The following ZNF521 variants were observed in gnomAD, a reference collection of about 807,000 sequenced individuals.
The protein encoded by ZNF521 is LYST-interacting protein 3.
Under a neutral mutation model 105.5 loss-of-function variants are expected in ZNF521, and 14 were observed. That is an observed-to-expected ratio of 0.13 (90% CI 0.09 to 0.21). The LOEUF (loss-of-function observed/expected upper bound fraction) is 0.21. Ranked by LOEUF, ZNF521 falls within the 10% of genes least tolerant of loss-of-function variation. ZNF521 has a pLI of 1.00. For synonymous variants in ZNF521, 635 were observed against 606.0 expected, an observed-to-expected ratio of 1.05 and a Z score of -0.70; for missense variants, 1,233 against 1,629.7, an observed-to-expected ratio of 0.76 and a Z score of 4.19.
At chr18:25,237,424 A>T (rs1906981353) in intron 3 of ZNF521, among the ~76,000 whole-genome samples, 1 of 152,004 alleles carries the variant, frequency 6.6e-6, no homozygotes, top group African/African-American at 2.4e-5. Context: ...ATTTTTATTA[A>T]ATTATATATA....
chr18:25,169,095 C>T (rs1270180484), intron 5 of ZNF521, among the ~76,000 whole-genome samples: 1 of 152,080 alleles, frequency 6.6e-6, no homozygotes, highest in Non-Finnish European at 1.5e-5. Flanking sequence ...ATATACTTTG[C>T]TTTCCTTCTT....
intron 4 of ZNF521, chr18:25,202,319 A>T (rs2036006644): frequency 6.6e-6 from 1 of 152,244 alleles, no homozygotes; most frequent in Non-Finnish European, 1.5e-5. Context: ...TAATCAAATA[A>T]AAAACCAATA....
chr18:25,128,301 T>C (rs190076537), intron 5 of ZNF521, among the ~76,000 whole-genome samples: 65 of 151,862 alleles, frequency 4.3e-4, no homozygotes, highest in Middle Eastern at 3.4e-3. Flanking sequence ...AAACTAGCAA[T>C]AGGGGGTAAC....
intron 5 of ZNF521, among the ~76,000 whole-genome samples, chr18:25,181,020 G>A (rs2035623329): frequency 6.6e-6 from 1 of 152,152 alleles, no homozygotes; most frequent in Admixed American, 6.5e-5. Flanking sequence ...ATCAGCTTGT[G>A]TGTCTGTGCC....
intron 5 of ZNF521, among the ~76,000 whole-genome samples, chr18:25,128,631 T>G (rs2034581104): frequency 6.6e-6 from 1 of 151,986 alleles, no homozygotes; most frequent in Admixed American, 6.6e-5. Flanking sequence ...AAGGTTGATA[T>G]ACAAGTCAAC....
At chr18:25,109,333 C>T (rs1003986282) in intron 5 of ZNF521, among the ~76,000 whole-genome samples, 1 of 152,160 alleles carries the variant, frequency 6.6e-6, no homozygotes, top group African/African-American at 2.4e-5. Context: ...AAATGTACTT[C>T]ATTTTCTTTA....
chr18:25,176,585 C>G (rs535316343), intron 5 of ZNF521, among the ~76,000 whole-genome samples: 2 of 152,122 alleles, frequency 1.3e-5, no homozygotes, highest in African/African-American at 4.8e-5. Flanking sequence ...TTACTCTCTT[C>G]GCTGGAATGC....
At chr18:25,200,399 C>CTT (rs67164276) in intron 4 of ZNF521, among the ~76,000 whole-genome samples, 1 of 144,048 alleles carries the variant, frequency 6.9e-6, no homozygotes, top group Non-Finnish European at 1.5e-5. Flanking sequence ...CTGCAGTTTT[C>CTT]TTTTTTTTTT....
intron 5 of ZNF521, among the ~76,000 whole-genome samples, chr18:25,175,258 C>T (rs2035517684): frequency 6.6e-6 from 1 of 152,182 alleles, no homozygotes. Context: ...TTAGACCTTT[C>T]CTCCTCAGGG....
intron 3 of ZNF521, among the ~76,000 whole-genome samples, chr18:25,311,340 G>A (rs755369513): frequency 5.4e-5 from 8 of 148,108 alleles, no homozygotes; most frequent in Admixed American, 1.4e-4. Flanking sequence ...CACGAGCATC[G>A]TAAGTAGAGA....
At chr18:25,068,565 G>T (rs2033133861) in intron 7 of ZNF521, among the ~76,000 whole-genome samples, 1 of 150,608 alleles carries the variant, frequency 6.6e-6, no homozygotes, top group African/African-American at 2.5e-5. Flanking sequence ...TAAGTCTTTT[G>T]ACCTGCATTC....
At chr18:25,100,101 T>G (rs2033938081) in intron 5 of ZNF521, among the ~76,000 whole-genome samples, 1 of 151,810 alleles carries the variant, frequency 6.6e-6, no homozygotes. Context: ...TCTTTTTTTT[T>G]TTTTTTAATC....
rs1325584278 is a variant in ZNF521 at position 25,062,104 on chromosome 18, A to G, written c.*608T>C. On this transcript the variant is annotated 3_prime_UTR_variant, in exon 8 of 8. Coordinates refer to ENST00000361524, the MANE Select transcript of ZNF521 (RefSeq NM_015461.3). ...CTCAAAGCTTCAAATGTATCCAGGG[A>G]AAAAAAAATTCTTTGACAGTCTACA... 4.6e-5 allele frequency: 9 copies of G among 197,536 alleles called. 1 individual carries two copies. Among genetic ancestry groups the G allele is most frequent in the Middle Eastern group, 1.7e-3 (1 of 600 alleles). 12.2% of individuals were successfully genotyped at this position (197,536 alleles called of 1,614,324 possible).
At chr18:25,179,542 T>G (rs1186336584) in intron 5 of ZNF521, among the ~76,000 whole-genome samples, 1 of 152,138 alleles carries the variant, frequency 6.6e-6, no homozygotes, top group African/African-American at 2.4e-5. Flanking sequence ...TATAGAGAAC[T>G]GTCCTGGAAT....
chr18:25,293,745 A>C (rs934100972), intron 3 of ZNF521, among the ~76,000 whole-genome samples: 40 of 152,164 alleles, frequency 2.6e-4, no homozygotes, highest in Non-Finnish European at 4.1e-4. Flanking sequence ...TATTTCTAGC[A>C]AATGGTGCTT....
At chr18:25,194,781 G>A (rs534489877) in intron 5 of ZNF521, among the ~76,000 whole-genome samples, 19 of 151,682 alleles carry the variant, frequency 1.3e-4, no homozygotes, top group African/African-American at 4.3e-4. Flanking sequence ...CTTAAGCAAC[G>A]CACAACAGTG....
intron 2 of ZNF521, among the ~76,000 whole-genome samples, chr18:25,323,814 G>C (rs1038612543): frequency 6.6e-6 from 1 of 151,882 alleles, no homozygotes; most frequent in Non-Finnish European, 1.5e-5. Flanking sequence ...AGTTGTTCTA[G>C]AGCTTTCCTT....
chr18:25,321,908 G>C, intron 3 of ZNF521, 100 bp downstream of exon 3: 1 of 1,161,590 alleles, frequency 8.6e-7, no homozygotes, highest in Non-Finnish European at 1.2e-6. Flanking sequence ...TCAAATGTAG[G>C]AATAAAATAA....
intron 3 of ZNF521, among the ~76,000 whole-genome samples, chr18:25,276,152 C>A (rs950730403): frequency 6.6e-6 from 1 of 152,034 alleles, no homozygotes; most frequent in Non-Finnish European, 1.5e-5. Flanking sequence ...CACTATCAGA[C>A]CAAAAATATG....
Sources: gnomAD v4.1 joint callset for allele counts (sites outside exome capture counted in the v4.1 genomes callset) on GRCh38, gnomAD v4.1.1 for gene constraint, MANE v1.5 for transcripts, NCBI Gene and HGNC (gene_info 2026-07-23, HGNC 2026-07-21) for gene names.